FGF12: variants seen among roughly 807,000 people sequenced by gnomAD.
FGF12 encodes fibroblast growth factor 12B.
Under a neutral mutation model 23.6 loss-of-function variants are expected in FGF12, and 14 were observed. The ratio of observed to expected loss-of-function variants is 0.59; its 90% CI spans 0.39 to 0.93. The LOEUF (loss-of-function observed/expected upper bound fraction) is 0.93. FGF12 is among the 40% of genes least tolerant of loss of function. The probability of loss-of-function intolerance (pLI) is 0.00; values close to 1 mark genes in which losing one functional copy is unlikely to be tolerated. For synonymous variants in FGF12, 62 were observed against 77.3 expected, an observed-to-expected ratio of 0.80 and a Z score of 1.04; for missense variants, 175 against 217.8, an observed-to-expected ratio of 0.80 and a Z score of 1.24.
intron 2 of FGF12, among the ~76,000 whole-genome samples, chr3:192,722,830 G>A (rs1471960806): frequency 1.3e-5 from 2 of 152,202 alleles, no homozygotes; most frequent in South Asian, 2.1e-4. Flanking sequence ...AGATAGAAGA[G>A]TGAAATTGTC....
At chr3:192,456,640 A>G in intron 2 of FGF12, among the ~76,000 whole-genome samples, 1 of 152,350 alleles carries the variant, frequency 6.6e-6, no homozygotes, top group African/African-American at 2.4e-5. Context: ...AAGTTAAAAA[A>G]ATGAAATGAC....
At position 192,561,494 on chromosome 3, in the gene FGF12, C is replaced by T. The variant is rs550976891; in HGVS notation, c.13+165687G>A. On this transcript the variant is annotated intron_variant, in intron 2 of 5. Coordinates refer to ENST00000445105, the MANE Select transcript of FGF12 (RefSeq NM_004113.6). ...TCTCCTGCCTCAGCCTTCTGAGTAG[C>T]TGGGACTACAGGCACCCGCCACCAC... 1.5e-3 allele frequency among the ~76,000 whole-genome samples: 232 copies of T among 152,200 alleles called. 1 individual carries two copies. Among genetic ancestry groups the T allele is most frequent in the Non-Finnish European group, 8.7e-4 (59 of 68,004 alleles).
At chr3:192,186,788 A>T (rs1716497996) in intron 4 of FGF12, among the ~76,000 whole-genome samples, 1 of 152,204 alleles carries the variant, frequency 6.6e-6, no homozygotes, top group Admixed American at 6.5e-5. Context: ...AAATTCTTTT[A>T]TCTGCCTAAA....
intron 5 of FGF12, among the ~76,000 whole-genome samples, chr3:192,167,148 T>G (rs531689631): frequency 6.9e-6 from 1 of 144,208 alleles, no homozygotes; most frequent in Non-Finnish European, 1.5e-5. Flanking sequence ...GAACATTTAT[T>G]TGGTATATGG....
At chr3:192,516,625 C>T (rs1483253191) in intron 2 of FGF12, 1 of 152,246 alleles carries the variant, frequency 6.6e-6, no homozygotes, top group Non-Finnish European at 1.5e-5. Context: ...ACAGCCACCA[C>T]CTGGGTTCAC....
intron 2 of FGF12, among the ~76,000 whole-genome samples, chr3:192,583,303 C>T (rs1056972829): frequency 2.0e-5 from 3 of 152,070 alleles, no homozygotes; most frequent in African/African-American, 4.8e-5. Context: ...ATCAGATGAG[C>T]GATGCGAATC....
chr3:192,239,636 C>T (rs1310835472), intron 4 of FGF12, among the ~76,000 whole-genome samples: 5 of 152,176 alleles, frequency 3.3e-5, no homozygotes, highest in African/African-American at 7.2e-5. Context: ...GCATTAGATT[C>T]TCATAGGAGC....
At chr3:192,614,217 T>C (rs1418242948) in intron 2 of FGF12, among the ~76,000 whole-genome samples, 1 of 151,956 alleles carries the variant, frequency 6.6e-6, no homozygotes, top group Non-Finnish European at 1.5e-5. Context: ...AATTTTTTCC[T>C]AAGGGTCAAC....
intron 4 of FGF12, among the ~76,000 whole-genome samples, chr3:192,262,723 CA>C (rs1712834243): frequency 6.6e-6 from 1 of 151,984 alleles, no homozygotes; most frequent in Non-Finnish European, 1.5e-5. Context: ...TGTTCAGTGA[CA>C]AAATTGCCTG....
At chr3:192,725,284 G>GT (rs34196239) in intron 2 of FGF12, among the ~76,000 whole-genome samples, 46,457 of 143,186 alleles carry the variant, frequency 0.32, 8,385 homozygotes, top group East Asian at 0.57. Context: ...CTTTCATCAT[G>GT]TTTTTTTTTT....
intron 2 of FGF12, among the ~76,000 whole-genome samples, chr3:192,586,333 C>A (rs1401850479): frequency 6.6e-6 from 1 of 152,142 alleles, no homozygotes; most frequent in Non-Finnish European, 1.5e-5. Context: ...TATGAGCTAC[C>A]TAATGAACTC....
At chr3:192,357,581 A>C (rs577061285) in intron 3 of FGF12, among the ~76,000 whole-genome samples, 13 of 152,286 alleles carry the variant, frequency 8.5e-5, no homozygotes, top group South Asian at 4.1e-4. Flanking sequence ...CTCAAAAAAA[A>C]AAACAAACAA....
chr3:192,368,127 A>G (rs1264203163), intron 2 of FGF12, among the ~76,000 whole-genome samples: 1 of 152,168 alleles, frequency 6.6e-6, no homozygotes, highest in Non-Finnish European at 1.5e-5. Context: ...AACAGAGCAG[A>G]AAAGAAAATC....
At chr3:192,333,192 C>G (rs1407660262) in intron 4 of FGF12, among the ~76,000 whole-genome samples, 1 of 152,018 alleles carries the variant, frequency 6.6e-6, no homozygotes, top group East Asian at 1.9e-4. Flanking sequence ...ACAATTGTCT[C>G]CTGCTTACAA....
intron 2 of FGF12, among the ~76,000 whole-genome samples, chr3:192,466,804 G>A (rs1466761771): frequency 1.3e-5 from 2 of 152,124 alleles, no homozygotes; most frequent in Non-Finnish European, 2.9e-5. Flanking sequence ...GTTGAAATCA[G>A]ACCCAGTTAT....
chr3:192,285,491 G>A (rs1714398987), intron 4 of FGF12, among the ~76,000 whole-genome samples: 1 of 151,674 alleles, frequency 6.6e-6, no homozygotes, highest in African/African-American at 2.4e-5. Context: ...GTTTGCTCCT[G>A]TATTTTTTTT....
chr3:192,294,380 G>A (rs1714919322), intron 4 of FGF12, among the ~76,000 whole-genome samples: 1 of 151,866 alleles, frequency 6.6e-6, no homozygotes, highest in Non-Finnish European at 1.5e-5. Context: ...TCTCCCAAAG[G>A]CCCCATTTCC....
chr3:192,411,775 C>A (rs1452865081), intron 2 of FGF12, among the ~76,000 whole-genome samples: 1 of 152,078 alleles, frequency 6.6e-6, no homozygotes, highest in African/African-American at 2.4e-5. Flanking sequence ...AGGGGAGTAG[C>A]CAGAGAAATA....
intron 2 of FGF12, among the ~76,000 whole-genome samples, chr3:192,510,226 C>T (rs1266893545): frequency 6.6e-6 from 1 of 152,074 alleles, no homozygotes; most frequent in Non-Finnish European, 1.5e-5. Flanking sequence ...CAACAATATG[C>T]CCAGCAGAAG....
Sources: allele counts gnomAD v4.1 joint callset (sites outside exome capture counted in the v4.1 genomes callset), GRCh38; gene constraint gnomAD v4.1.1; transcripts MANE v1.5; gene names NCBI Gene and HGNC (gene_info 2026-07-23, HGNC 2026-07-21).